The following FBXL7 variants were observed in gnomAD, a reference collection of about 807,000 sequenced individuals.
FBXL7 encodes F-box/LRR-repeat protein 7.
A neutral mutation model predicts 38.3 loss-of-function variants in FBXL7; 12 were observed. That is an observed-to-expected ratio of 0.31 (90% CI 0.20 to 0.51). FBXL7 has a LOEUF of 0.51. FBXL7 is among the 20% of genes least tolerant of loss of function. The pLI is 0.98. For missense variants in FBXL7, 567 were observed against 676.4 expected, an observed-to-expected ratio of 0.84 and a Z score of 1.79; for synonymous variants, 297 against 300.9, an observed-to-expected ratio of 0.99 and a Z score of 0.13.
chr5:15,781,956 T>TTCTC (rs1737005486), intron 2 of FBXL7, among the ~76,000 whole-genome samples: 2 of 152,116 alleles, frequency 1.3e-5, no homozygotes, highest in Non-Finnish European at 2.9e-5. Context: ...CATTAGGTAT[T>TTCTC]TCTCGTAATG....
intron 2 of FBXL7, among the ~76,000 whole-genome samples, chr5:15,782,163 A>C (rs1330095243): frequency 6.6e-6 from 1 of 151,938 alleles, no homozygotes; most frequent in African/African-American, 2.4e-5. Context: ...ACATGAACCT[A>C]TTTTTTATGG....
intron 2 of FBXL7, among the ~76,000 whole-genome samples, chr5:15,677,472 GAA>G (rs1011228619): frequency 6.1e-5 from 8 of 130,910 alleles, no homozygotes; most frequent in African/African-American, 2.2e-4. Context: ...AAAAAAGAAA[GAA>G]AGAGAGAGAG....
chr5:15,565,960 T>G (rs1427852675), intron 1 of FBXL7, among the ~76,000 whole-genome samples: 1 of 152,140 alleles, frequency 6.6e-6, no homozygotes, highest in Non-Finnish European at 1.5e-5. Flanking sequence ...ATATAATGTC[T>G]GACCAAACCT....
Position 15,927,944 on chromosome 5 carries a change from C to T in FBXL7, c.182C>T (p.Pro61Leu), listed in dbSNP as rs1441598741. The change falls in exon 3 of 4, where the codon CCA becomes CTA. Residue 61 changes from proline to leucine, a missense_variant. Pro to Leu is a moderately conservative substitution (Grantham distance 98). Transcript: ENST00000504595. ...LSTPSPALIC[P>L]PNLPGFQNGR... Reference sequence around the variant, plus strand: ...ACGCCCAGCCCAGCCCTGATATGTCCACCGAATCTCCCAGGATTTCAGAAT... The same window carrying T: ...ACGCCCAGCCCAGCCCTGATATGTCTACCGAATCTCCCAGGATTTCAGAAT... The T allele has an allele frequency of 3.8e-6, 6 of 1,563,998 alleles. No homozygotes were observed. Among genetic ancestry groups the T allele is most frequent in the Non-Finnish European group, 5.2e-6 (6 of 1,153,492 alleles).
chr5:15,826,303 A>G (rs1738306771), intron 2 of FBXL7, among the ~76,000 whole-genome samples: 1 of 152,264 alleles, frequency 6.6e-6, no homozygotes, highest in Non-Finnish European at 1.5e-5. Flanking sequence ...TAAAGTTGAG[A>G]AACTCTCAGA....
At chr5:15,545,798 A>C (rs1737878668) in intron 1 of FBXL7, among the ~76,000 whole-genome samples, 1 of 152,232 alleles carries the variant, frequency 6.6e-6, no homozygotes, top group Non-Finnish European at 1.5e-5. Flanking sequence ...AGTTAATGGC[A>C]ATTCAAAAAG....
At chr5:15,824,647 A>G (rs1180210172) in intron 2 of FBXL7, among the ~76,000 whole-genome samples, 3 of 152,182 alleles carry the variant, frequency 2.0e-5, no homozygotes, top group South Asian at 4.2e-4. Flanking sequence ...GACAATAGCA[A>G]TTTTCTTTTT....
chr5:15,873,142 C>T (rs1223885915), intron 2 of FBXL7, among the ~76,000 whole-genome samples: 3 of 152,142 alleles, frequency 2.0e-5, no homozygotes, highest in Non-Finnish European at 2.9e-5. Context: ...CAAAACTGCA[C>T]AACTACATGG....
At chr5:15,823,999 C>G (rs149362167) in intron 2 of FBXL7, among the ~76,000 whole-genome samples, 24 of 152,240 alleles carry the variant, frequency 1.6e-4, no homozygotes, top group Middle Eastern at 3.4e-3. Context: ...CCATTTTAGC[C>G]GGGCACAGTG....
chr5:15,715,887 C>T (rs965551191), intron 2 of FBXL7, among the ~76,000 whole-genome samples: 1 of 152,202 alleles, frequency 6.6e-6, no homozygotes, highest in African/African-American at 2.4e-5. Context: ...AGGTTTTTAC[C>T]TGTAAACATC....
chr5:15,928,511 C>T lies in FBXL7; in HGVS notation c.739+10C>T. ...CACCTGGATGTGTCAGGTAAATGGA[C>T]ACTGACCTACCAGCTATGGGCCCTC... On this transcript the variant is annotated intron_variant, in intron 3 of 3. Coordinates refer to ENST00000504595, the MANE Select transcript of FBXL7 (RefSeq NM_012304.5). The surrounding 1 kb of genome is among the most constrained non-coding windows in gnomAD (Gnocchi z 4.0). The T allele has an allele frequency of 6.2e-7, 1 of 1,601,878 alleles. No homozygotes were observed. The highest frequency in any genetic ancestry group is 1.7e-5 in the Admixed American group (1 of 59,608).
intron 2 of FBXL7, among the ~76,000 whole-genome samples, chr5:15,847,744 CAGA>C (rs1738956642): frequency 6.6e-6 from 1 of 152,126 alleles, no homozygotes; most frequent in Non-Finnish European, 1.5e-5. Flanking sequence ...TGAAAGCCCT[CAGA>C]AGAGAGACTA....
intron 2 of FBXL7, among the ~76,000 whole-genome samples, chr5:15,794,373 A>T (rs947954520): frequency 6.6e-6 from 1 of 152,248 alleles, no homozygotes; most frequent in Non-Finnish European, 1.5e-5. Flanking sequence ...ATAGAAAATT[A>T]CAACAATGTT....
intron 2 of FBXL7, among the ~76,000 whole-genome samples, chr5:15,693,084 G>A (rs1275420998): frequency 1.3e-5 from 2 of 152,292 alleles, no homozygotes; most frequent in Admixed American, 6.5e-5. Flanking sequence ...CTAGTGCCAA[G>A]CTTGGTCAGA....
chr5:15,687,940 G>T (rs1743065219), intron 2 of FBXL7, among the ~76,000 whole-genome samples: 1 of 152,146 alleles, frequency 6.6e-6, no homozygotes, highest in South Asian at 2.1e-4. Flanking sequence ...TCACATCATG[G>T]TGGCCATGTT....
intron 2 of FBXL7, among the ~76,000 whole-genome samples, chr5:15,810,425 G>T (rs1361861949): frequency 1.3e-5 from 2 of 152,046 alleles, no homozygotes; most frequent in Admixed American, 1.3e-4. Context: ...GCCAGGCGTG[G>T]TGGTGCATAC....
At chr5:15,927,690 G>A (rs753837759) in intron 2 of FBXL7, among the ~76,000 whole-genome samples, 200 bp from the exon 3 acceptor site, 4 of 144,736 alleles carry the variant, frequency 2.8e-5, no homozygotes, top group African/African-American at 7.6e-5. Context: ...CAGGAGAATC[G>A]CTTGAACCCA....
chr5:15,659,601 C>T (rs537135295), intron 2 of FBXL7, among the ~76,000 whole-genome samples: 10 of 152,212 alleles, frequency 6.6e-5, no homozygotes, highest in African/African-American at 2.4e-4. Flanking sequence ...TAAATACAAA[C>T]AAGGATATTT....
intron 2 of FBXL7, among the ~76,000 whole-genome samples, chr5:15,826,013 A>T (rs1738300616): frequency 1.3e-5 from 2 of 152,164 alleles, no homozygotes; most frequent in Admixed American, 1.3e-4. Context: ...TTTTTTGTGA[A>T]CTTAAAATTA....
Sources: allele counts gnomAD v4.1 joint callset (sites outside exome capture counted in the v4.1 genomes callset), GRCh38; gene constraint gnomAD v4.1.1; non-coding constraint Gnocchi (gnomAD v3.1); transcripts MANE v1.5; gene names NCBI Gene and HGNC (gene_info 2026-07-23, HGNC 2026-07-21).